The following SDK1 variants were observed in gnomAD, a reference collection of about 807,000 sequenced individuals.
SDK1 encodes sidekick cell adhesion molecule 1.
SDK1 carries 157 observed loss-of-function variants against 245.5 expected under a neutral mutation model. The ratio of observed to expected loss-of-function variants is 0.64; its 90% confidence interval spans 0.56 to 0.73. The LOEUF is 0.73. Among genes scored for constraint, SDK1 ranks in the 30% least tolerant of loss-of-function variants. The pLI is 0.00. For synonymous variants in SDK1, 1,647 were observed against 1,278.5 expected (o/e 1.29, Z -6.15); for missense variants, 3,583 against 3,002.3 (o/e 1.19, Z -4.52).
intron 5 of SDK1, among the ~76,000 whole-genome samples, chr7:3,865,073 C>G (rs535293449): frequency 6.6e-6 from 1 of 152,156 alleles, no homozygotes; most frequent in African/African-American, 2.4e-5. Context: ...ATGAGGTCCC[C>G]GTGCCCTCCA....
At chr7:3,397,792 C>T (rs1301976588) in intron 1 of SDK1, among the ~76,000 whole-genome samples, 1 of 152,032 alleles carries the variant, frequency 6.6e-6, no homozygotes, top group African/African-American at 2.4e-5. Flanking sequence ...GTTTTTATCT[C>T]TGCTTACATT....
At chr7:3,651,490 T>A (rs1417641858) in intron 4 of SDK1, among the ~76,000 whole-genome samples, 1 of 152,176 alleles carries the variant, frequency 6.6e-6, no homozygotes, top group East Asian at 1.9e-4. Flanking sequence ...ATTGTTCTGA[T>A]CTGAAGAAAT....
intron 35 of SDK1, among the ~76,000 whole-genome samples, chr7:4,190,468 C>T (rs1460358653): frequency 6.6e-6 from 1 of 152,220 alleles, no homozygotes; most frequent in East Asian, 1.9e-4. Flanking sequence ...CCGGAGTCCG[C>T]AGGGGGCTCC....
At chr7:4,121,156 C>G (rs1293022022) in intron 25 of SDK1, among the ~76,000 whole-genome samples, 2 of 151,956 alleles carry the variant, frequency 1.3e-5, no homozygotes, top group South Asian at 2.1e-4. Context: ...GAGACTTTCT[C>G]TAGCGATGTT....
chr7:4,100,049 C>A (rs573437329), intron 22 of SDK1, among the ~76,000 whole-genome samples: 50 of 152,300 alleles, frequency 3.3e-4, no homozygotes, highest in Non-Finnish European at 5.7e-4. Flanking sequence ...AGATTTTGGC[C>A]GAGGAGCCAC....
chr7:3,755,362 T>C lies in SDK1; in HGVS notation c.714-66088T>C, dbSNP rs562177368. Among the ~76,000 whole-genome samples the C allele has an allele frequency of 3.9e-5, 6 of 152,116 alleles. No homozygotes were observed. In the South Asian group the frequency reaches 6.2e-4, roughly 16 times the overall value. The stretch of plus-strand genomic sequence containing the variant: ...TGTTCGGTGCCCATGACTGCAGAGG[T>C]TGTGTTTTGGCTTCCTGGGTTTCTC... On this transcript the variant is annotated intron_variant, in intron 4 of 44. Transcript: ENST00000404826.
chr7:3,439,943 T>A (rs1240438741), intron 1 of SDK1, among the ~76,000 whole-genome samples: 1 of 150,912 alleles, frequency 6.6e-6, no homozygotes, highest in East Asian at 1.9e-4. Context: ...ACTTTTTTTT[T>A]AAGTTATAGC....
intron 14 of SDK1, among the ~76,000 whole-genome samples, chr7:3,995,434 C>T (rs1490434096): frequency 7.2e-5 from 11 of 152,104 alleles, no homozygotes; most frequent in Admixed American, 7.2e-4. Flanking sequence ...CTTATCTCTT[C>T]CTCTACTTGC....
At chr7:3,359,006 C>T (rs958671567) in intron 1 of SDK1, among the ~76,000 whole-genome samples, 11 of 152,050 alleles carry the variant, frequency 7.2e-5, no homozygotes, top group African/African-American at 9.7e-5. Context: ...CTAAGAACTC[C>T]GGGAGTTATG....
At chr7:3,642,510 C>T (rs1168811194) in intron 4 of SDK1, among the ~76,000 whole-genome samples, 2 of 152,002 alleles carry the variant, frequency 1.3e-5, no homozygotes, top group African/African-American at 4.8e-5. Flanking sequence ...TTTATTGAGC[C>T]ATGTTTGATA....
At chr7:4,083,765 C>T (rs1781246346) in intron 22 of SDK1, among the ~76,000 whole-genome samples, 1 of 26,914 alleles carries the variant, frequency 3.7e-5, no homozygotes, top group Non-Finnish European at 9.7e-5. Flanking sequence ...CTGTCTCCCT[C>T]CCTCCCTTCT....
At chr7:4,135,647 G>A (rs902545243) in intron 28 of SDK1, among the ~76,000 whole-genome samples, 4 of 152,202 alleles carry the variant, frequency 2.6e-5, no homozygotes, top group South Asian at 2.1e-4. Context: ...GAATTTATGC[G>A]TGTTTCTTAG....
rs997500533 is a variant in SDK1 at position 4,129,843 on chromosome 7, C to T, written c.3940-65C>T. The T allele has an allele frequency of 8.8e-6, 14 of 1,599,460 alleles. No homozygotes were observed. The African/African-American group carries it at 1.6e-4, about 18-fold the overall frequency. On this transcript the variant is annotated intron_variant, in intron 26 of 44. Coordinates refer to ENST00000404826, the MANE Select transcript of SDK1 (RefSeq NM_152744.4). Reference sequence around the variant, plus strand: ...CTTGATTCACGAAGGGGGCCTGCCCCATGCCACGGCGGTCCCTCCTGGCAC... The same window carrying T: ...CTTGATTCACGAAGGGGGCCTGCCCTATGCCACGGCGGTCCCTCCTGGCAC...
intron 4 of SDK1, among the ~76,000 whole-genome samples, chr7:3,755,473 G>C (rs1779895174): frequency 6.6e-6 from 1 of 152,196 alleles, no homozygotes; most frequent in South Asian, 2.1e-4. Context: ...TTGCCTGGCA[G>C]TGTATGAACT....
intron 1 of SDK1, among the ~76,000 whole-genome samples, chr7:3,576,212 G>T (rs989259324): frequency 3.9e-5 from 6 of 152,246 alleles, no homozygotes; most frequent in African/African-American, 1.4e-4. Flanking sequence ...TAATAATGCT[G>T]TGCCATTCAG....
chr7:3,822,895 C>A (rs1356592738), intron 5 of SDK1, among the ~76,000 whole-genome samples: 1 of 152,110 alleles, frequency 6.6e-6, no homozygotes, highest in Non-Finnish European at 1.5e-5. Flanking sequence ...GTAGCAAACT[C>A]TGGGTGCAGG....
intron 19 of SDK1, among the ~76,000 whole-genome samples, chr7:4,063,609 A>ACAAAAAAAAAC (rs1554327545): frequency 6.6e-6 from 1 of 151,562 alleles, no homozygotes; most frequent in Non-Finnish European, 1.5e-5. Context: ...AAAAAAAAAA[A>ACAAAAAAAAAC]CAAAAAACCC....
chr7:4,234,245 T>A (rs919307059), intron 41 of SDK1, among the ~76,000 whole-genome samples: 4 of 152,312 alleles, frequency 2.6e-5, no homozygotes, highest in Non-Finnish European at 5.9e-5. Flanking sequence ...GATCCCAGGC[T>A]GGGCATTTCT....
intron 1 of SDK1, among the ~76,000 whole-genome samples, chr7:3,434,143 T>G (rs1016080930): frequency 6.6e-6 from 1 of 152,132 alleles, no homozygotes; most frequent in Non-Finnish European, 1.5e-5. Context: ...TTTGGCGTAT[T>G]TTGTGATGAT....
Sources: allele counts gnomAD v4.1 joint callset (sites outside exome capture counted in the v4.1 genomes callset), GRCh38; gene constraint gnomAD v4.1.1; transcripts MANE v1.5; gene names NCBI Gene and HGNC (gene_info 2026-07-23, HGNC 2026-07-21).